Variants in URB1 observed in about 807,000 individuals in gnomAD.
URB1 encodes nucleolar pre-ribosomal-associated protein 1.
A neutral mutation model predicts 242.3 loss-of-function variants in URB1; 197 were observed. The ratio of observed to expected loss-of-function variants is 0.81; its 90% CI spans 0.72 to 0.91. URB1 has a LOEUF of 0.91. Among genes scored for constraint, URB1 ranks in the 40% least tolerant of loss-of-function variants. The pLI, the probability that URB1 is intolerant of heterozygous loss-of-function variation, is 0.00. For missense variants in URB1, 2,721 were observed against 2,860.5 expected, an observed-to-expected ratio of 0.95 and a Z score of 1.11; for synonymous variants, 1,153 against 1,201.8, an observed-to-expected ratio of 0.96 and a Z score of 0.84.
Position 32,317,156 on chromosome 21 carries a change from G to A in URB1, c.6035-91C>T, listed in dbSNP as rs536630389. ...GGGGAGGTGTCAATGGGGGACACGAGGGGCGGCTTGCATGTCCTGAGCACC... is the reference window on the plus strand; with the variant it reads ...GGGGAGGTGTCAATGGGGGACACGAAGGGCGGCTTGCATGTCCTGAGCACC... On this transcript the variant is annotated intron_variant, in intron 37 of 38. Transcript: ENST00000382751. The A allele has an allele frequency of 2.7e-4, 387 of 1,436,196 alleles. 1 individual carries two copies. The African/African-American group carries it at 5.2e-3, about 19-fold the overall frequency. The allele number at this position is 1,436,196 out of a possible 1,614,324, so 89.0% of individuals were successfully genotyped here. A position where few individuals can be genotyped will look rare whatever the true frequency, so the allele number is the denominator to read the frequency against.
At chr21:32,334,375 C>T (rs538835738) in intron 28 of URB1, 41 bp from the exon 29 acceptor site, 7 of 1,511,734 alleles carry the variant, frequency 4.6e-6, no homozygotes, top group East Asian at 2.5e-5. Context: ...CACAGAGCCC[C>T]CCGGGAACAG....
Position 32,337,583 on chromosome 21 carries a change from A to C in URB1, c.4511-69T>G, listed in dbSNP as rs144584496. On this transcript the variant is annotated intron_variant, in intron 26 of 38. Transcript: ENST00000382751. ...CACACTGAATACCAGAAGAGGAGAG[A>C]GCCTTCCAGGCAACATTGAAATGCT... is the stretch of plus-strand genomic sequence containing the variant. 1.9e-4 allele frequency: 254 copies of C among 1,336,194 alleles called. No individual in the cohort carries two copies. In the African/African-American group the frequency reaches 3.3e-3, roughly 18 times the overall value. 82.8% of individuals were successfully genotyped at this position (1,336,194 alleles called of 1,614,324 possible).
intron 24 of URB1, among the ~76,000 whole-genome samples, chr21:32,342,708 C>CA (rs60610315): frequency 1 from 148,716 of 148,716 alleles, 74,358 homozygotes; most frequent in Non-Finnish European, 1. Context: ...GATCTCCTCT[C>CA]GCTCCAGAGC....
chr21:32,336,951 AGT>A (rs2032966116), intron 28 of URB1, 141 bp downstream of exon 28: 1 of 803,894 alleles, frequency 1.2e-6, no homozygotes, highest in African/African-American at 1.7e-5. Flanking sequence ...TGCAGAAGCC[AGT>A]GTGAGTCAGG....
chr21:32,364,188 A>C (rs2033320269), intron 10 of URB1, among the ~76,000 whole-genome samples: 1 of 152,138 alleles, frequency 6.6e-6, no homozygotes, highest in Admixed American at 6.6e-5. Flanking sequence ...CTCACTGCAG[A>C]GACTGAGTAG....
intron 6 of URB1, among the ~76,000 whole-genome samples, chr21:32,374,594 T>C (rs1356506551): frequency 1.3e-5 from 2 of 152,190 alleles, no homozygotes; most frequent in African/African-American, 2.4e-5. Flanking sequence ...GCTATTTTAG[T>C]AGGCAAAAAA....
chr21:32,322,731 A>G, intron 32 of URB1, 147 bp from the exon 33 acceptor site: 1 of 643,252 alleles, frequency 1.6e-6, no homozygotes, highest in Non-Finnish European at 2.8e-6. Context: ...CTGGCTCTTG[A>G]GAATGAGAAC....
At chr21:32,363,821 GCTTT>G (rs2033315874) in intron 10 of URB1, among the ~76,000 whole-genome samples, 1 of 151,802 alleles carries the variant, frequency 6.6e-6, no homozygotes, top group Non-Finnish European at 1.5e-5. Flanking sequence ...ACTGCTTCTG[GCTTT>G]CTTTTTTTTT....
chr21:32,337,271 A>AGG lies in URB1; in HGVS notation c.4622-115_4622-114insCC, dbSNP rs2032970983. The AGG allele has an allele frequency of 3.0e-6, 4 of 1,350,712 alleles. No homozygotes were observed. In the African/African-American group the frequency reaches 4.3e-5, roughly 15 times the overall value. The allele number at this position is 1,350,712 out of a possible 1,614,324, so 83.7% of individuals were successfully genotyped here. A position where few individuals can be genotyped will look rare whatever the true frequency, so the allele number is the denominator to read the frequency against. The stretch of plus-strand genomic sequence containing the variant: ...CAAATGGCCCGGTCCTCATATCTTC[A>AGG]CCCTGCTTGCACCGCCTGGTCTCAC... On this transcript the variant is annotated intron_variant, in intron 27 of 38. Transcript: ENST00000382751.
intron 4 of URB1, among the ~76,000 whole-genome samples, chr21:32,381,705 T>C (rs1453207904): frequency 6.6e-6 from 1 of 152,180 alleles, no homozygotes. Flanking sequence ...GGCACTGTGG[T>C]TTCTGTTCTT....
Position 32,322,498 on chromosome 21 carries a change from A to G in URB1, c.5320T>C (p.Phe1774Leu). 1 of 1,552,372 alleles carries G rather than the reference A, an allele frequency of 6.4e-7. No individual in the cohort carries two copies. The highest frequency in any genetic ancestry group is 1.7e-4 in the Middle Eastern group (1 of 5,996). Residue 1774 changes from phenylalanine (F) to leucine (L), a missense_variant, in exon 33 of 39, where the codon TTC becomes CTC. Phe to Leu is a conservative substitution (Grantham distance 22, BLOSUM62 0). Coordinates refer to ENST00000382751, the MANE Select transcript of URB1 (RefSeq NM_014825.3). ...MDKVPGFYQF[F>L]YSSDFEQKTE... ...CATACCTCAAAGTCGGAGCTGTAGA[A>G]GAACTGGTAGAAGCCTGGCACTTTG...
intron 2 of URB1, 46 bp from the exon 3 acceptor site, chr21:32,384,510 T>A: frequency 6.5e-7 from 1 of 1,539,340 alleles, no homozygotes; most frequent in Non-Finnish European, 8.8e-7. Flanking sequence ...TCATTTCCTT[T>A]CCTCCTGTAC....
Position 32,392,778 on chromosome 21 carries a change from G to C in URB1, c.133C>G (p.Pro45Ala). 1 of 1,482,338 alleles carries C rather than the reference G, an allele frequency of 6.7e-7. No homozygotes were observed. The highest frequency in any genetic ancestry group is 9.0e-7 in the Non-Finnish European group (1 of 1,115,434). 91.8% of individuals were successfully genotyped at this position (1,482,338 alleles called of 1,614,324 possible). A position where few individuals can be genotyped will look rare whatever the true frequency, so the allele number is the denominator to read the frequency against. Residue 45 changes from proline (P) to alanine (A), a missense_variant, in exon 1 of 39, where the codon CCC becomes GCC. Coordinates refer to ENST00000382751, the MANE Select transcript of URB1 (RefSeq NM_014825.3). ...FKAQLKDPQG[P>A]GPGLEAFVSA... is the part of the protein sequence containing the mutation. ...GCCGCCCCGGACTCACCTGGCCCGG[G>C]GCCCTGCGGGTCCTTCAGCTGAGCC... is the stretch of plus-strand genomic sequence containing the variant.
chr21:32,384,236 C>T (rs1409055595), intron 3 of URB1, 77 bp downstream of exon 3: 2 of 1,483,964 alleles, frequency 1.3e-6, no homozygotes, highest in African/African-American at 1.4e-5. Context: ...AGGTACTGAC[C>T]AAATGCACCT....
At chr21:32,363,837 T>A (rs1342207165) in intron 10 of URB1, among the ~76,000 whole-genome samples, 1 of 151,908 alleles carries the variant, frequency 6.6e-6, no homozygotes, top group Non-Finnish European at 1.5e-5. Flanking sequence ...TTTTTTTTTT[T>A]AAGAGATGAG....
In URB1 at chr21:32,359,150, T is replaced by C. The variant is rs1009032259; in HGVS notation, c.1869+646A>G. On this transcript the variant is annotated intron_variant, in intron 14 of 38. Transcript: ENST00000382751. ...CTGGTTCCATATAAGATCTAAGTCA[T>C]TAAAAAGTACATCAGCTCAGATTAT... is the stretch of plus-strand genomic sequence containing the variant. Among the ~76,000 whole-genome samples, 4 of 152,204 alleles carry C rather than the reference T, an allele frequency of 2.6e-5. No homozygotes were observed. In the South Asian group the frequency reaches 6.2e-4, roughly 24 times the overall value.
intron 17 of URB1, 42 bp from the exon 18 acceptor site, chr21:32,354,145 T>C (rs988010578): frequency 1.3e-6 from 2 of 1,547,002 alleles, no homozygotes; most frequent in Non-Finnish European, 1.7e-6. Flanking sequence ...TGAGAGCCAC[T>C]GAAGGGTTTC....
At chr21:32,357,771 T>C in intron 14 of URB1, 115 bp from the exon 15 acceptor site, 2 of 860,884 alleles carry the variant, frequency 2.3e-6, no homozygotes, top group South Asian at 5.1e-5. Context: ...CTTACACCTG[T>C]AATCTCAGCA....
chr21:32,317,353 G>C (rs180748965), intron 37 of URB1, among the ~76,000 whole-genome samples: 3 of 152,248 alleles, frequency 2.0e-5, no homozygotes, highest in Non-Finnish European at 2.9e-5. Flanking sequence ...CAGGAGGCCA[G>C]GTTCCAGTCT....
Sources: allele counts gnomAD v4.1 joint callset (sites outside exome capture counted in the v4.1 genomes callset), GRCh38; gene constraint gnomAD v4.1.1; transcripts MANE v1.5; gene names NCBI Gene and HGNC (gene_info 2026-07-23, HGNC 2026-07-21).